RAB37: variants seen among roughly 807,000 people sequenced by gnomAD.
RAB37 encodes the protein ras-related protein Rab-37.
A neutral mutation model predicts 33.1 loss-of-function variants in RAB37; 29 were observed. The observed-to-expected ratio is 0.88, with a 90% confidence interval of 0.65 to 1.20. RAB37 has a LOEUF of 1.20. RAB37 is among the 50% of genes most tolerant of loss of function. The pLI, the probability that RAB37 is intolerant of heterozygous loss-of-function variation, is 0.00. For synonymous variants in RAB37, 128 were observed against 119.5 expected, an observed-to-expected ratio of 1.07 and a Z score of -0.47; for missense variants, 299 against 301.1, an observed-to-expected ratio of 0.99 and a Z score of 0.05.
chr17:74,683,605 G>A (rs1460469959), intron 1 of RAB37, among the ~76,000 whole-genome samples: 1 of 152,158 alleles, frequency 6.6e-6, no homozygotes, highest in Admixed American at 6.5e-5. Context: ...TCTTAATAAT[G>A]TTTGTACAAG....
chr17:74,705,094 C>T (rs555598691), intron 1 of RAB37: 16 of 655,202 alleles, frequency 2.4e-5, no homozygotes, highest in Admixed American at 8.9e-5. Context: ...CTCCACCCTA[C>T]GGCCAAGGTA....
chr17:74,744,448 A>T lies in RAB37; in HGVS notation c.432+75A>T. The T allele has an allele frequency of 7.2e-7, 1 of 1,384,000 alleles. No individual in the cohort carries two copies. The highest frequency in any genetic ancestry group is 2.3e-5 in the East Asian group (1 of 43,756). The allele number at this position is 1,384,000 out of a possible 1,614,324, so 85.7% of individuals were successfully genotyped here. A position where few individuals can be genotyped will look rare whatever the true frequency, so the allele number is the denominator to read the frequency against. The stretch of plus-strand genomic sequence containing the variant: ...TAGCCGGCCCCATAACCACCCAAGA[A>T]CAGTTATCTAGGCATCCTTCCTGAA... On this transcript the variant is annotated intron_variant, in intron 6 of 8. Coordinates refer to ENST00000392613, the MANE Select transcript of RAB37 (RefSeq NM_001006638.3). This position sits in a 1 kb window ranked among gnomAD's most constrained non-coding sequence, Gnocchi z 4.2.
intron 1 of RAB37, among the ~76,000 whole-genome samples, chr17:74,691,354 C>A (rs577790442): frequency 6.6e-6 from 1 of 152,218 alleles, no homozygotes; most frequent in East Asian, 1.9e-4. Context: ...CCCCAGTAAC[C>A]TTAGATGGGT....
At chr17:74,736,667 TA>T, upstream of RAB37, 1 of 1,535,608 alleles carries the variant, frequency 6.5e-7, no homozygotes, top group East Asian at 2.4e-5. Context: ...TGATCCATAC[TA>T]AAGGGTCAAA....
intron 1 of RAB37, chr17:74,695,934 G>A: frequency 1.3e-6 from 2 of 1,518,510 alleles, no homozygotes. Context: ...CGGTGGGACG[G>A]GACGAGAGCC....
chr17:74,686,044 T>C (rs183212864), intron 1 of RAB37, among the ~76,000 whole-genome samples: 28 of 152,106 alleles, frequency 1.8e-4, no homozygotes, highest in Admixed American at 1.4e-3. Flanking sequence ...CTGGGCAGAC[T>C]CTCCTTCACT....
At chr17:74,736,596 C>A (rs2034478320), upstream of RAB37, 9 of 1,528,654 alleles carry the variant, frequency 5.9e-6, no homozygotes, top group South Asian at 1.2e-5. Context: ...AGCCCTCTTG[C>A]GAAAGCTCTC....
intron 1 of RAB37, 62 bp from the exon 2 acceptor site, chr17:74,740,706 C>T (rs2144073087): frequency 8.7e-7 from 1 of 1,155,704 alleles, no homozygotes; most frequent in African/African-American, 1.5e-5. Context: ...ATGTGTCTCT[C>T]TCCTGGAATC....
chr17:74,699,970 G>A (rs895115353), intron 1 of RAB37, among the ~76,000 whole-genome samples: 3 of 151,574 alleles, frequency 2.0e-5, no homozygotes, highest in South Asian at 2.1e-4. Context: ...GTGAAACTCC[G>A]TCTCTACCAA....
intron 1 of RAB37, chr17:74,712,947 T>G: frequency 1.4e-6 from 2 of 1,402,176 alleles, no homozygotes; most frequent in Non-Finnish European, 2.0e-6. Context: ...CTTCTGCTGG[T>G]ACTCACTCTC....
chr17:74,672,889 T>C (rs2031737169), intron 1 of RAB37: 1 of 152,204 alleles, frequency 6.6e-6, no homozygotes, highest in Non-Finnish European at 1.5e-5. Flanking sequence ...ATGCTGCCTG[T>C]TTCTGACACA....
chr17:74,696,633 G>T (rs2143572791), intron 1 of RAB37, among the ~76,000 whole-genome samples: 1 of 152,302 alleles, frequency 6.6e-6, no homozygotes, highest in East Asian at 1.9e-4. Context: ...AGCTACCCAG[G>T]CTGTCTAATC....
chr17:74,735,001 A>AG (rs2034448063), upstream of RAB37, among the ~76,000 whole-genome samples: 3 of 96,052 alleles, frequency 3.1e-5, no homozygotes, highest in African/African-American at 1.1e-4. Context: ...GGAAGAAAGA[A>AG]AAAGAAAGGA....
chr17:74,685,061 A>G (rs1296549640), intron 1 of RAB37, among the ~76,000 whole-genome samples: 1 of 151,986 alleles, frequency 6.6e-6, no homozygotes, highest in Non-Finnish European at 1.5e-5. Context: ...AAAATGACAC[A>G]TGTACCTACC....
rs201223906 is a variant in RAB37 at position 74,707,716 on chromosome 17, GA to G, written c.73-21525del. 2.5e-3 allele frequency among the ~76,000 whole-genome samples: 261 copies of G among 102,366 alleles called. 1 individual carries two copies. The highest frequency in any genetic ancestry group is 6.9e-3 in the Middle Eastern group (1 of 144). 67.2% of individuals were successfully genotyped at this position (102,366 alleles called of 152,430 possible). On this transcript the variant is annotated intron_variant, in intron 1 of 7. Transcript: ENST00000340415. ...AGCAACAGAGTGAGACTCCATCTCA[GA>G]AAAAAAAAAAAAAATTAAAAGTGGT...
intron 1 of RAB37, chr17:74,695,322 G>A (rs1202407697): frequency 1.4e-5 from 22 of 1,573,524 alleles, no homozygotes; most frequent in East Asian, 6.7e-5. Context: ...AGGAGCCCTC[G>A]GAGGAGGATA....
intron 1 of RAB37, chr17:74,695,589 A>G: frequency 7.8e-7 from 1 of 1,280,130 alleles, no homozygotes; most frequent in Non-Finnish European, 1.1e-6. Context: ...CGAGTCCTGC[A>G]GTGACTATGG....
At chr17:74,735,014 GAAGGAAGAAAGAAAGA>G (rs1411300489), upstream of RAB37, among the ~76,000 whole-genome samples, 3 of 64,230 alleles carry the variant, frequency 4.7e-5, no homozygotes, top group Non-Finnish European at 5.6e-5. Context: ...AGAAAGGAAG[GAAGGAAGAAAGAAAGA>G]AAGAAAGAAA....
At chr17:74,717,911 G>A (rs1168150306) in intron 1 of RAB37, among the ~76,000 whole-genome samples, 1 of 151,998 alleles carries the variant, frequency 6.6e-6, no homozygotes, top group Non-Finnish European at 1.5e-5. Flanking sequence ...CCTCCCTGAG[G>A]AGTGGGTCCT....
Sources: allele counts gnomAD v4.1 joint callset (sites outside exome capture counted in the v4.1 genomes callset), GRCh38; gene constraint gnomAD v4.1.1; non-coding constraint Gnocchi (gnomAD v3.1); transcripts MANE v1.5; gene names NCBI Gene and HGNC (gene_info 2026-07-23, HGNC 2026-07-21).